NR6A1: variants seen among roughly 807,000 people sequenced by gnomAD.
The protein encoded by NR6A1 is nuclear receptor subfamily 6 group A member 1, also known as retinoic acid receptor-related testis-associated receptor.
NR6A1 carries 7 observed loss-of-function variants against 59.1 expected under a neutral mutation model. That is an observed-to-expected ratio of 0.12 (90% CI 0.07 to 0.22). The LOEUF (loss-of-function observed/expected upper bound fraction) is 0.22. Ranked by LOEUF, NR6A1 falls within the 10% of genes least tolerant of loss-of-function variation. NR6A1 has a pLI of 1.00. For missense variants in NR6A1, 468 were observed against 611.6 expected (o/e 0.77, Z 2.48); for synonymous variants, 243 against 236.1 (o/e 1.03, Z -0.27).
At chr9:124,718,441 T>C (rs954384555) in intron 2 of NR6A1, among the ~76,000 whole-genome samples, 1 of 152,222 alleles carries the variant, frequency 6.6e-6, no homozygotes, top group African/African-American at 2.4e-5. Flanking sequence ...TTGAGGACTC[T>C]GATTCCCCCT....
chr9:124,616,106 A>C (rs932582006), intron 2 of NR6A1, among the ~76,000 whole-genome samples: 1 of 152,086 alleles, frequency 6.6e-6, no homozygotes. Context: ...GAGATAGAAA[A>C]GAACTAATTG....
At chr9:124,637,906 AAAAAAAG>A (rs1836660141) in intron 2 of NR6A1, among the ~76,000 whole-genome samples, 1 of 150,550 alleles carries the variant, frequency 6.6e-6, no homozygotes, top group Non-Finnish European at 1.5e-5. Flanking sequence ...AAAAAAAAAA[AAAAAAAG>A]AAAAAAAGGG....
chr9:124,535,373 T>C (rs1833226384), intron 7 of NR6A1, among the ~76,000 whole-genome samples: 2 of 152,118 alleles, frequency 1.3e-5, no homozygotes, highest in Admixed American at 6.5e-5. Flanking sequence ...AGGTCAACAG[T>C]TTGAGACCAG....
chr9:124,749,509 G>T (rs1415378883), intron 1 of NR6A1, among the ~76,000 whole-genome samples: 1 of 152,014 alleles, frequency 6.6e-6, no homozygotes, highest in African/African-American at 2.4e-5. Flanking sequence ...TGACCTTTGG[G>T]TCAACCATTC....
chr9:124,770,979 C>A, intron 1 of NR6A1, 41 bp downstream of exon 1: 1 of 1,100,734 alleles, frequency 9.1e-7, no homozygotes, highest in Non-Finnish European at 1.2e-6. Flanking sequence ...CTCAGGAAGC[C>A]GGTTCCTGCC....
chr9:124,645,006 A>G (rs1365162144), intron 2 of NR6A1, among the ~76,000 whole-genome samples: 1 of 152,270 alleles, frequency 6.6e-6, no homozygotes, highest in Non-Finnish European at 1.5e-5. Context: ...GCCAAAACAC[A>G]TTGAACGTAC....
chr9:124,568,273 G>T (rs1834334497), intron 2 of NR6A1, among the ~76,000 whole-genome samples: 1 of 151,206 alleles, frequency 6.6e-6, no homozygotes, highest in Non-Finnish European at 1.5e-5. Context: ...ATCACCTGAG[G>T]TCAGGAGTTC....
intron 2 of NR6A1, among the ~76,000 whole-genome samples, chr9:124,687,645 T>G (rs903377225): frequency 1.3e-5 from 2 of 152,168 alleles, no homozygotes; most frequent in African/African-American, 2.4e-5. Context: ...GTAAACACTC[T>G]AGATTCAGCA....
intron 2 of NR6A1, 77 bp from the exon 3 acceptor site, chr9:124,554,647 T>C (rs1833877026): frequency 8.2e-6 from 13 of 1,581,376 alleles, no homozygotes; most frequent in African/African-American, 4.0e-5. Context: ...AACTCTGCTC[T>C]GGGTAGATTA....
chr9:124,712,076 C>G (rs920316966), intron 2 of NR6A1, among the ~76,000 whole-genome samples: 4 of 152,130 alleles, frequency 2.6e-5, no homozygotes, highest in Non-Finnish European at 5.9e-5. Context: ...TGGTTAGGGC[C>G]TGTTGCCACC....
At position 124,608,299 on chromosome 9, in the gene NR6A1, CCA is replaced by C. The variant is rs1340223662; in HGVS notation, c.143-53731_143-53730del. On this transcript the variant is annotated intron_variant, in intron 2 of 9. Transcript: ENST00000487099. ...TATTTTTCCTGATGCTCTCCCTCCC[CCA>C]CCCCCAACAGGCCCCAGTGTGTGTT... Among the ~76,000 whole-genome samples the C allele has an allele frequency of 3.9e-5, 6 of 152,186 alleles. No individual in the cohort carries two copies. The East Asian group carries it at 1.2e-3, about 29-fold the overall frequency.
intron 2 of NR6A1, among the ~76,000 whole-genome samples, chr9:124,615,810 T>A (rs1052292558): frequency 9.9e-5 from 15 of 152,228 alleles, no homozygotes; most frequent in African/African-American, 3.4e-4. Context: ...ACTTAGTACT[T>A]GTACAATCTT....
intron 2 of NR6A1, among the ~76,000 whole-genome samples, chr9:124,636,273 T>C (rs1836609079): frequency 2.0e-5 from 3 of 152,232 alleles, no homozygotes; most frequent in African/African-American, 7.2e-5. Flanking sequence ...AGGTATGTTT[T>C]ATTGAGTTTT....
At chr9:124,681,398 A>G (rs1305788925) in intron 2 of NR6A1, among the ~76,000 whole-genome samples, 1 of 146,210 alleles carries the variant, frequency 6.8e-6, no homozygotes, top group Non-Finnish European at 1.5e-5. Context: ...CTGGAGTGCA[A>G]TGGTATGGTC....
chr9:124,532,791 C>T (rs368207458), intron 7 of NR6A1, among the ~76,000 whole-genome samples: 12 of 152,174 alleles, frequency 7.9e-5, no homozygotes, highest in African/African-American at 2.7e-4. Flanking sequence ...CCACTCGCCA[C>T]GTGGCTACTG....
chr9:124,697,744 A>G (rs1454674264), intron 2 of NR6A1, among the ~76,000 whole-genome samples: 1 of 152,194 alleles, frequency 6.6e-6, no homozygotes, highest in Non-Finnish European at 1.5e-5. Context: ...TCATTGTGGA[A>G]ATAGATTTCT....
At position 124,687,055 on chromosome 9, in the gene NR6A1, T is replaced by C. The variant is rs556123103; in HGVS notation, c.142+46253A>G. Among the ~76,000 whole-genome samples the C allele has an allele frequency of 6.6e-5, 10 of 152,052 alleles. No homozygotes were observed. In the South Asian group the frequency reaches 1.2e-3, roughly 19 times the overall value. ...ATGTGTCCCATTTGAAGAGAAATAC[T>C]GCCCTAGCACTAGGCCAATTTGCTA... On this transcript the variant is annotated intron_variant, in intron 2 of 9. Coordinates refer to ENST00000487099, the MANE Select transcript of NR6A1 (RefSeq NM_033334.4).
chr9:124,684,684 T>C (rs1212830838), intron 2 of NR6A1, among the ~76,000 whole-genome samples: 1 of 152,220 alleles, frequency 6.6e-6, no homozygotes, highest in African/African-American at 2.4e-5. Context: ...GGTAGTCATC[T>C]TTGATTAAAG....
At chr9:124,626,150 C>T (rs908818311) in intron 2 of NR6A1, among the ~76,000 whole-genome samples, 2 of 152,152 alleles carry the variant, frequency 1.3e-5, no homozygotes, top group African/African-American at 2.4e-5. Flanking sequence ...GGACTACAGG[C>T]GCACGCCACC....
Sources: gnomAD v4.1 joint callset for allele counts (sites outside exome capture counted in the v4.1 genomes callset) on GRCh38, gnomAD v4.1.1 for gene constraint, MANE v1.5 for transcripts, NCBI Gene and HGNC (gene_info 2026-07-23, HGNC 2026-07-21) for gene names.